PPIP5K2: variants seen among roughly 807,000 people sequenced by gnomAD.
PPIP5K2 encodes the protein inositol hexakisphosphate and diphosphoinositol-pentakisphosphate kinase 2.
Under a neutral mutation model 154.6 loss-of-function variants are expected in PPIP5K2, and 105 were observed. The ratio of observed to expected loss-of-function variants is 0.68; its 90% CI spans 0.58 to 0.80. The LOEUF (loss-of-function observed/expected upper bound fraction) is 0.80, where lower values mean the gene tolerates loss of function less well. Among genes scored for constraint, PPIP5K2 ranks in the 30% least tolerant of loss-of-function variants. PPIP5K2 has a pLI of 0.00. For synonymous variants in PPIP5K2, 480 were observed against 490.3 expected, an observed-to-expected ratio of 0.98 and a Z score of 0.28; for missense variants, 992 against 1,504.6, an observed-to-expected ratio of 0.66 and a Z score of 5.64.
intron 26 of PPIP5K2, among the ~76,000 whole-genome samples, chr5:103,184,956 T>C (rs566167229): frequency 1.3e-5 from 2 of 152,304 alleles, no homozygotes; most frequent in Non-Finnish European, 2.9e-5. Context: ...ATAACCCTTT[T>C]GGATGCCTGC....
intron 30 of PPIP5K2, among the ~76,000 whole-genome samples, chr5:103,197,772 T>C (rs1412900429): frequency 4.0e-4 from 61 of 151,602 alleles, no homozygotes; most frequent in Admixed American, 9.2e-4. Context: ...GAGATGGAGT[T>C]TCACCATGTT....
chr5:103,123,179 CTTAA>C (rs1789064190), intron 1 of PPIP5K2, among the ~76,000 whole-genome samples: 1 of 152,182 alleles, frequency 6.6e-6, no homozygotes, highest in African/African-American at 2.4e-5. Flanking sequence ...TTACTGAGTG[CTTAA>C]TATGTGCTAT....
intron 14 of PPIP5K2, among the ~76,000 whole-genome samples, 163 bp downstream of exon 14, chr5:103,156,157 G>A (rs1484667457): frequency 6.6e-6 from 1 of 152,048 alleles, no homozygotes; most frequent in Non-Finnish European, 1.5e-5. Context: ...TTTAAATAAA[G>A]GATACAATTT....
At chr5:103,184,820 T>C in intron 26 of PPIP5K2, 76 bp downstream of exon 26, 2 of 1,136,536 alleles carry the variant, frequency 1.8e-6, no homozygotes, top group South Asian at 2.8e-5. Flanking sequence ...AACTCTTTGG[T>C]GAAAGCATGA....
In PPIP5K2 at chr5:103,208,893, A is replaced by G. The variant is rs186855494; in HGVS notation, c.*7259A>G. On this transcript the variant is annotated 3_prime_UTR_variant, in exon 31 of 31. Coordinates refer to ENST00000358359, the MANE Select transcript of PPIP5K2 (RefSeq NM_001276277.3). ...TAGTTTATGTTTCTCTTCATATTTG[A>G]TGATAATTTTTTAAATTAAGACCTA... 1.8e-4 allele frequency: 28 copies of G among 152,226 alleles called. No individual in the cohort carries two copies. Among genetic ancestry groups the G allele is most frequent in the Admixed American group, 1.7e-3 (26 of 15,288 alleles). 9.4% of individuals were successfully genotyped at this position (152,226 alleles called of 1,614,324 possible).
At chr5:103,144,010 A>G (rs1793303003) in intron 5 of PPIP5K2, among the ~76,000 whole-genome samples, 2 of 152,198 alleles carry the variant, frequency 1.3e-5, no homozygotes, top group Admixed American at 1.3e-4. Context: ...TTGTTTATAG[A>G]TGATATGATC....
In PPIP5K2 at chr5:103,163,163, T is replaced by A. The variant is rs531132510; in HGVS notation, c.1920+3835T>A. On this transcript the variant is annotated intron_variant, in intron 17 of 30. Coordinates refer to ENST00000358359, the MANE Select transcript of PPIP5K2 (RefSeq NM_001276277.3). ...GTCAAAAATACTGTTGGGATTTTTT[T>A]ATTTAGGTTGTATGATATCTGTAGT... Among the ~76,000 whole-genome samples the A allele has an allele frequency of 2.0e-3, 308 of 151,814 alleles. 1 individual carries two copies. The highest frequency in any genetic ancestry group is 7.3e-3 in the African/African-American group (303 of 41,444).
intron 5 of PPIP5K2, among the ~76,000 whole-genome samples, chr5:103,140,119 T>A (rs1288803690): frequency 6.8e-6 from 1 of 147,996 alleles, no homozygotes; most frequent in African/African-American, 2.5e-5. Context: ...CTTTGGGACC[T>A]ACGTAGTTAA....
At position 103,201,633 on chromosome 5, in the gene PPIP5K2, G is replaced by T. The variant is rs1554230498; in HGVS notation, c.3731G>T (p.Ter1244LeuextTer12). Residue 1244 changes from the stop codon to leucine (L), a stop_lost, in exon 31 of 31, where the codon TGA becomes TTA. Transcript: ENST00000358359. ...EHKKNTGKKK[*>L] ...AAAAAAAACACTGGGAAAAAGAAAT[G>T]AAATCTTAGCAGAAGCTGGAACTTT... is the stretch of plus-strand genomic sequence containing the variant. 2 of 1,579,458 alleles carry T rather than the reference G, an allele frequency of 1.3e-6. No homozygotes were observed. The highest frequency in any genetic ancestry group is 1.7e-6 in the Non-Finnish European group (2 of 1,154,950).
intron 18 of PPIP5K2, 121 bp downstream of exon 18, chr5:103,167,441 A>C: frequency 1.3e-6 from 1 of 793,876 alleles, no homozygotes; most frequent in Non-Finnish European, 1.9e-6. Flanking sequence ...TATGTATAGT[A>C]TGAGTTAATG....
intron 10 of PPIP5K2, among the ~76,000 whole-genome samples, chr5:103,152,978 A>G (rs1457904335): frequency 6.6e-6 from 1 of 151,866 alleles, no homozygotes; most frequent in African/African-American, 2.4e-5. Flanking sequence ...TAATCAAGCC[A>G]TAAAAATAAA....
At chr5:103,122,876 C>T (rs1192086431) in intron 1 of PPIP5K2, among the ~76,000 whole-genome samples, 1 of 152,064 alleles carries the variant, frequency 6.6e-6, no homozygotes, top group Non-Finnish European at 1.5e-5. Context: ...GATGGATGAT[C>T]CAGGGTGTTA....
rs572661705 is a variant in PPIP5K2 at position 103,199,915 on chromosome 5, C to T, written c.3620-1607C>T. ...TTAAAATTCTTGTCTGTTAATCTGA[C>T]TCATCTCCAAAGTGATCTGTATCAA... On this transcript the variant is annotated intron_variant, in intron 30 of 30. Coordinates refer to ENST00000358359, the MANE Select transcript of PPIP5K2 (RefSeq NM_001276277.3). 1.4e-4 allele frequency among the ~76,000 whole-genome samples: 21 copies of T among 152,224 alleles called. No individual in the cohort carries two copies. The South Asian group carries it at 2.3e-3, about 17-fold the overall frequency.
At chr5:103,146,789 G>A (rs1793827237) in intron 6 of PPIP5K2, 108 bp downstream of exon 6, 2 of 923,446 alleles carry the variant, frequency 2.2e-6, no homozygotes, top group Non-Finnish European at 3.0e-6. Flanking sequence ...TCTTGAAAAT[G>A]TATCATTTAG....
At position 103,209,215 on chromosome 5, in the gene PPIP5K2, A is replaced by G. The variant is rs781981801; in HGVS notation, c.*7581A>G. 6.6e-5 allele frequency: 10 copies of G among 152,114 alleles called. No homozygotes were observed. The highest frequency in any genetic ancestry group is 1.3e-4 in the Non-Finnish European group (9 of 68,018). 9.4% of individuals were successfully genotyped at this position (152,114 alleles called of 1,614,324 possible). On this transcript the variant is annotated 3_prime_UTR_variant, in exon 31 of 31. Coordinates refer to ENST00000358359, the MANE Select transcript of PPIP5K2 (RefSeq NM_001276277.3). Reference sequence around the variant, plus strand: ...TCAACCAGGCCTCTTCAGCATTTTTATAGTCAAAGATGTACAAGATAGCTC... The same window carrying G: ...TCAACCAGGCCTCTTCAGCATTTTTGTAGTCAAAGATGTACAAGATAGCTC...
At chr5:103,176,893 G>A in intron 21 of PPIP5K2, 1 of 1,448,586 alleles carries the variant, frequency 6.9e-7, no homozygotes, top group Non-Finnish European at 9.3e-7. Context: ...TGAAGATGGA[G>A]GAATGGTGAA....
In PPIP5K2 at chr5:103,194,941, G is replaced by T; in HGVS notation, c.3535G>T (p.Val1179Leu). The T allele has an allele frequency of 6.2e-7, 1 of 1,613,248 alleles. No individual in the cohort carries two copies. The highest frequency in any genetic ancestry group is 8.5e-7 in the Non-Finnish European group (1 of 1,179,550). ...TTCCAGTCCAATAATGAGAAAAAAA[G>T]TATCTTTAAATACGTATACACCTGC... ...LRSSPIMRKK[V>L]SLNTYTPAKI... The change falls in exon 30 of 31, where the codon GTA becomes TTA. Residue 1179 changes from valine to leucine, a missense_variant. Around this residue, in one of 9 missense-constraint regions of PPIP5K2, gnomAD observed 131 missense variants for 117.8 expected, o/e 1.11. Coordinates refer to ENST00000358359, the MANE Select transcript of PPIP5K2 (RefSeq NM_001276277.3).
chr5:103,154,578 C>T (rs540966571), intron 11 of PPIP5K2, 92 bp from the exon 12 acceptor site: 4 of 760,754 alleles, frequency 5.3e-6, no homozygotes, highest in Non-Finnish European at 8.3e-6. Context: ...GTTCTAGTCC[C>T]ATAGCTTATC....
chr5:103,146,390 A>G lies in PPIP5K2; in HGVS notation c.488-137A>G, dbSNP rs1375259031. Reference sequence around the variant, plus strand: ...GCACATGTTATTTACATAAACATGGATAATTAAAATCAAGTAAGTACATTA... The same window carrying G: ...GCACATGTTATTTACATAAACATGGGTAATTAAAATCAAGTAAGTACATTA... On this transcript the variant is annotated intron_variant, in intron 5 of 30. Transcript: ENST00000358359. 4.7e-5 allele frequency: 40 copies of G among 844,228 alleles called. No homozygotes were observed. The East Asian group carries it at 1.1e-3, about 24-fold the overall frequency. 52.3% of individuals were successfully genotyped at this position (844,228 alleles called of 1,614,324 possible). A position where few individuals can be genotyped will look rare whatever the true frequency, so the allele number is the denominator to read the frequency against.
Sources: gnomAD v4.1 joint callset for allele counts (sites outside exome capture counted in the v4.1 genomes callset) on GRCh38, gnomAD v4.1.1 for gene constraint, gnomAD v4.1.1 regional missense constraint, MANE v1.5 for transcripts, NCBI Gene and HGNC (gene_info 2026-07-23, HGNC 2026-07-21) for gene names.